Variants in CXADR observed in about 807,000 individuals in gnomAD.
CXADR encodes coxsackievirus and adenovirus receptor.
A neutral mutation model predicts 40.3 loss-of-function variants in CXADR; 20 were observed. The observed-to-expected ratio is 0.50, with a 90% CI of 0.35 to 0.72. The LOEUF (loss-of-function observed/expected upper bound fraction) is 0.72. Ranked by LOEUF, CXADR falls within the 30% of genes least tolerant of loss-of-function variation. CXADR has a pLI of 0.01. For synonymous variants in CXADR, 150 were observed against 161.3 expected, an observed-to-expected ratio of 0.93 and a Z score of 0.53; for missense variants, 332 against 449.1, an observed-to-expected ratio of 0.74 and a Z score of 2.36.
chr21:17,552,272 C>T (rs939598775), intron 3 of CXADR, among the ~76,000 whole-genome samples: 1 of 152,020 alleles, frequency 6.6e-6, no homozygotes, highest in African/African-American at 2.4e-5. Context: ...AGAATTTGCC[C>T]TGAGAATTAT....
chr21:17,599,461 T>A, the CXADR span, among the ~76,000 whole-genome samples: 2 of 148,772 alleles, frequency 1.3e-5, no homozygotes, highest in Non-Finnish European at 3.0e-5. Flanking sequence ...ATTACAGGCA[T>A]GCGCCACTGG....
At chr21:17,558,651 C>T (rs1191882457) in intron 3 of CXADR, among the ~76,000 whole-genome samples, 2 of 152,090 alleles carry the variant, frequency 1.3e-5, no homozygotes, top group African/African-American at 4.8e-5. Flanking sequence ...TTCCTTGACT[C>T]TCAAGTGGTC....
In CXADR at chr21:17,560,032, TA is replaced by T. The variant is rs1255200858; in HGVS notation, c.572-669del. On this transcript the variant is annotated intron_variant, in intron 4 of 6. Coordinates refer to ENST00000284878, the MANE Select transcript of CXADR (RefSeq NM_001338.5). The stretch of plus-strand genomic sequence containing the variant: ...TACAACTTAGATGGTGGCTAAAGTA[TA>T]GTAAGAGTTGGCTCTTTAGTGTTTT... 6.6e-5 allele frequency among the ~76,000 whole-genome samples: 10 copies of T among 152,028 alleles called. No homozygotes were observed. In the East Asian group the frequency reaches 1.9e-3, roughly 29 times the overall value.
chr21:17,599,888 T>G, the CXADR span, among the ~76,000 whole-genome samples: 179 of 152,312 alleles, frequency 1.2e-3, 1 homozygote, highest in African/African-American at 4.2e-3. Context: ...AAAGGGGGCC[T>G]GTTATTTATA....
At chr21:17,537,571 A>G (rs1051581128) in intron 1 of CXADR, among the ~76,000 whole-genome samples, 2 of 152,052 alleles carry the variant, frequency 1.3e-5, no homozygotes, top group African/African-American at 4.8e-5. Flanking sequence ...ACAATGAGTC[A>G]TGATCTTTAA....
intron 7 of CXADR, among the ~76,000 whole-genome samples, chr21:17,576,443 G>A (rs2061323048): frequency 6.6e-6 from 1 of 152,154 alleles, no homozygotes; most frequent in African/African-American, 2.4e-5. Flanking sequence ...GTTTACATAT[G>A]TCAAGTATAC....
chr21:17,551,122 A>G (rs979784298), intron 2 of CXADR, among the ~76,000 whole-genome samples: 1 of 152,178 alleles, frequency 6.6e-6, no homozygotes, highest in Non-Finnish European at 1.5e-5. Flanking sequence ...TGAGCAGGCC[A>G]GGCATGGTGA....
rs1243285306 is a variant in CXADR, at chr21:17,563,935, T to C, written c.834-1493T>C. Among the ~76,000 whole-genome samples the C allele has an allele frequency of 4.6e-4, 10 of 21,866 alleles. No homozygotes were observed. In the South Asian group the frequency reaches 0.011, roughly 23 times the overall value. The allele number at this position is 21,866 out of a possible 152,430, so 14.3% of individuals were successfully genotyped here. A position where few individuals can be genotyped will look rare whatever the true frequency, so the allele number is the denominator to read the frequency against. ...CAGCCTGGGCAACAGAGCAAGACTCTGTCTCAAAAAAAAAAAAAAAAAAAA... is the reference window on the plus strand; with the variant it reads ...CAGCCTGGGCAACAGAGCAAGACTCCGTCTCAAAAAAAAAAAAAAAAAAAA... On this transcript the variant is annotated intron_variant, in intron 6 of 6. Transcript: ENST00000284878.
At chr21:17,578,944 C>T (rs2061340688) in intron 7 of CXADR, among the ~76,000 whole-genome samples, 2 of 152,266 alleles carry the variant, frequency 1.3e-5, no homozygotes, top group South Asian at 4.1e-4. Context: ...CTCTTTGCCT[C>T]CCCACATCCC....
chr21:17,518,520 CATGCCAGCTTCATTCTTTG>C (rs1316741296), intron 1 of CXADR: 1 of 943,736 alleles, frequency 1.1e-6, no homozygotes, highest in African/African-American at 1.6e-5. Flanking sequence ...TTCCAAAAAC[CATGCCAGCTTCATTCTTTG>C]ATGCCTCATC....
intron 1 of CXADR, among the ~76,000 whole-genome samples, chr21:17,544,301 A>G (rs2123233179): frequency 6.6e-6 from 1 of 152,352 alleles, no homozygotes; most frequent in Admixed American, 6.5e-5. Context: ...CATAAATACC[A>G]AATCATATCA....
At chr21:17,592,140 G>A (rs114138166) in intron 7 of CXADR, among the ~76,000 whole-genome samples, 1 of 151,850 alleles carries the variant, frequency 6.6e-6, no homozygotes, top group Non-Finnish European at 1.5e-5. Flanking sequence ...TTGTAGTAAC[G>A]TGGAATGTTC....
At chr21:17,581,830 A>ACC (rs2061361839) in intron 7 of CXADR, among the ~76,000 whole-genome samples, 1 of 151,224 alleles carries the variant, frequency 6.6e-6, no homozygotes, top group Non-Finnish European at 1.5e-5. Context: ...GGGGTGACAA[A>ACC]GGCTAAGACT....
intron 1 of CXADR, among the ~76,000 whole-genome samples, chr21:17,541,830 A>G (rs2060833688): frequency 6.6e-6 from 1 of 152,116 alleles, no homozygotes; most frequent in African/African-American, 2.4e-5. Context: ...CATAATGTCC[A>G]TTTGTTCTGG....
chr21:17,519,202 C>T (rs2060498320), intron 1 of CXADR, among the ~76,000 whole-genome samples: 3 of 152,222 alleles, frequency 2.0e-5, no homozygotes, highest in Admixed American at 6.5e-5. Flanking sequence ...CAACTTAGCT[C>T]ACTGCACTAG....
chr21:17,515,284 T>A (rs1047005053), intron 1 of CXADR, among the ~76,000 whole-genome samples: 2 of 151,582 alleles, frequency 1.3e-5, no homozygotes, highest in Non-Finnish European at 2.9e-5. Context: ...TACAACAAAA[T>A]AAAACCCAAA....
intron 1 of CXADR, chr21:17,518,731 G>T: frequency 6.3e-7 from 1 of 1,598,818 alleles, no homozygotes; most frequent in Non-Finnish European, 8.6e-7. Flanking sequence ...TTTGGCTTCT[G>T]CATGACCAGT....
chr21:17,557,644 A>T (rs2061053445), intron 3 of CXADR, among the ~76,000 whole-genome samples: 1 of 152,246 alleles, frequency 6.6e-6, no homozygotes, highest in Non-Finnish European at 1.5e-5. Context: ...CCATTGAAAT[A>T]CTAAAATAAC....
the CXADR span, among the ~76,000 whole-genome samples, chr21:17,631,633 A>G: frequency 6.6e-6 from 1 of 152,206 alleles, no homozygotes; most frequent in Non-Finnish European, 1.5e-5. Flanking sequence ...CATACCAAAT[A>G]TTCGTTCTCT....
Sources: gnomAD v4.1 joint callset for allele counts (sites outside exome capture counted in the v4.1 genomes callset) on GRCh38, gnomAD v4.1.1 for gene constraint, MANE v1.5 for transcripts, NCBI Gene and HGNC (gene_info 2026-07-23, HGNC 2026-07-21) for gene names.